The following MYH10 variants were observed in gnomAD, a reference collection of about 807,000 sequenced individuals.
MYH10 encodes the protein myosin-10.
In MYH10, 55 loss-of-function variants were observed where a neutral mutation model predicts 257.8. That is an observed-to-expected ratio of 0.21 (90% CI 0.17 to 0.27). The LOEUF is 0.27. Ranked by LOEUF, MYH10 falls within the 10% of genes least tolerant of loss-of-function variation. The pLI, the probability that MYH10 is intolerant of heterozygous loss-of-function variation, is 1.00. For missense variants in MYH10, 1,631 were observed against 2,500.6 expected (o/e 0.65, Z 7.42); for synonymous variants, 854 against 921.7 (o/e 0.93, Z 1.33).
At chr17:8,531,908 T>G (rs987714337) in intron 16 of MYH10, among the ~76,000 whole-genome samples, 4 of 152,138 alleles carry the variant, frequency 2.6e-5, no homozygotes, top group African/African-American at 7.2e-5. Context: ...CTATCCAGAG[T>G]GAGCAGTGAT....
At position 8,535,429 on chromosome 17, in the gene MYH10, G is replaced by A; in HGVS notation, c.1852C>T (p.His618Tyr). The change falls in exon 16 of 43, where the codon CAC (histidine) becomes TAC (tyrosine). Residue 618 changes from histidine (H) to tyrosine (Y), a missense_variant. Physicochemically the swap from His to Tyr is moderately conservative, Grantham distance 83. Around this residue, in one of 11 missense-constraint regions of MYH10, gnomAD observed 96 missense variants for 146.2 expected, o/e 0.66. Transcript: ENST00000360416. The surrounding 1 kb of genome is among the most constrained non-coding windows in gnomAD (Gnocchi z 4.3). ...GCCACAAATCTGTCTGATGACTGGT[G>A]CAAAAGGGTGGCCACGTTGTCATTC... is the stretch of plus-strand genomic sequence containing the variant. Reference protein sequence around the residue: ...PLNDNVATLLHQSSDRFVAEL... With the variant: ...PLNDNVATLLYQSSDRFVAEL... The A allele has an allele frequency of 6.2e-7, 1 of 1,614,078 alleles. No individual in the cohort carries two copies. Among genetic ancestry groups the A allele is most frequent in the Non-Finnish European group, 8.5e-7 (1 of 1,179,980 alleles).
intron 25 of MYH10, 130 bp downstream of exon 25, chr17:8,509,682 A>C (rs1418677554): frequency 1.3e-5 from 11 of 852,002 alleles, no homozygotes; most frequent in Non-Finnish European, 1.5e-5. Context: ...CTTACAGAGA[A>C]AATTCAGTAA....
rs557850324 is a variant in MYH10 at position 8,543,707 on chromosome 17, C to T, written c.1432-1427G>A. On this transcript the variant is annotated intron_variant, in intron 13 of 42. Coordinates refer to ENST00000360416, the MANE Select transcript of MYH10 (RefSeq NM_001256012.3). ...CAGGCTGGTCTTGAACTCCTGACCT[C>T]GTGATCCACCTGCCTCGGCCTCCCA... Among the ~76,000 whole-genome samples, 500 of 152,192 alleles carry T rather than the reference C, an allele frequency of 3.3e-3. 3 individuals are homozygous for T. Among genetic ancestry groups the T allele is most frequent in the African/African-American group, 0.012 (488 of 41,530 alleles).
intron 38 of MYH10, chr17:8,480,752 T>A: frequency 1.7e-6 from 1 of 597,312 alleles, no homozygotes. Flanking sequence ...ATCTCTCACC[T>A]GGACTGCTGG....
At chr17:8,592,440 C>T (rs2084182741) in intron 3 of MYH10, among the ~76,000 whole-genome samples, 1 of 151,810 alleles carries the variant, frequency 6.6e-6, no homozygotes, top group South Asian at 2.1e-4. Context: ...ACACAAACTG[C>T]CAATATCTGT....
At position 8,492,483 on chromosome 17, in the gene MYH10, A is replaced by G; in HGVS notation, c.4485T>C (p.Ser1495=). The G allele has an allele frequency of 6.2e-7, 1 of 1,612,160 alleles. No individual in the cohort carries two copies. The highest frequency in any genetic ancestry group is 8.5e-7 in the Non-Finnish European group (1 of 1,179,926). Residue 1495 remains serine, a synonymous_variant, in exon 34 of 43, where the codon TCT becomes TCC. Transcript: ENST00000360416. ...GGTCCCGCTCTTCGGCATAGCGAGC[A>G]GAGATGCTCTTCTCTTCTGCTAACA... ...DQLLAEEKSI[S]ARYAEERDRA...
At chr17:8,527,115 C>T (rs543436649) in intron 17 of MYH10, among the ~76,000 whole-genome samples, 5 of 152,246 alleles carry the variant, frequency 3.3e-5, no homozygotes, top group East Asian at 3.9e-4. Context: ...ATTATGAATT[C>T]GCAGAAACGA....
At chr17:8,622,120 T>C (rs1055444874) in intron 2 of MYH10, among the ~76,000 whole-genome samples, 2 of 152,208 alleles carry the variant, frequency 1.3e-5, no homozygotes, top group Admixed American at 6.5e-5. Context: ...ACCACGACCA[T>C]CAACTTTTCT....
intron 7 of MYH10, among the ~76,000 whole-genome samples, chr17:8,560,182 C>T (rs908506195): frequency 3.3e-5 from 5 of 152,148 alleles, no homozygotes; most frequent in Admixed American, 6.5e-5. Context: ...CTTTCAACTC[C>T]GAATACTATT....
At chr17:8,590,873 CTT>C (rs398030291) in intron 3 of MYH10, among the ~76,000 whole-genome samples, 2 of 90,100 alleles carry the variant, frequency 2.2e-5, no homozygotes, top group South Asian at 4.5e-4. Flanking sequence ...TCAATGTCGC[CTT>C]TTTTTTTTTT....
chr17:8,552,218 G>T lies in MYH10; in HGVS notation c.821-74C>A. ...AAATAAAGGCCCTCTTTCAGCGTCTGTAAATTTAAATCATAAAACATCTTC... is the reference window on the plus strand; with the variant it reads ...AAATAAAGGCCCTCTTTCAGCGTCTTTAAATTTAAATCATAAAACATCTTC... On this transcript the variant is annotated intron_variant, in intron 8 of 42. Coordinates refer to ENST00000360416, the MANE Select transcript of MYH10 (RefSeq NM_001256012.3). The surrounding 1 kb of genome is among the most constrained non-coding windows in gnomAD (Gnocchi z 4.8). The T allele has an allele frequency of 1.6e-6, 1 of 641,480 alleles. No individual in the cohort carries two copies. The highest frequency in any genetic ancestry group is 2.4e-6 in the Non-Finnish European group (1 of 414,036). 39.7% of individuals were successfully genotyped at this position (641,480 alleles called of 1,614,324 possible).
chr17:8,538,186 A>T (rs2082196026), intron 14 of MYH10, among the ~76,000 whole-genome samples: 1 of 152,092 alleles, frequency 6.6e-6, no homozygotes. Context: ...GGGTTTACAA[A>T]ATGTTATGTT....
intron 2 of MYH10, among the ~76,000 whole-genome samples, chr17:8,618,070 T>C (rs1162221161): frequency 2.0e-5 from 3 of 152,196 alleles, no homozygotes; most frequent in Admixed American, 6.5e-5. Flanking sequence ...TCAATTTTCA[T>C]GTCTGTTTCT....
chr17:8,577,540 T>G (rs796437398), intron 4 of MYH10, among the ~76,000 whole-genome samples: 3 of 152,164 alleles, frequency 2.0e-5, no homozygotes, highest in Admixed American at 6.5e-5. Flanking sequence ...AATAATTCTT[T>G]TTTTTCTTTG....
Position 8,477,284 on chromosome 17 carries a change from ACT to A in MYH10, c.5707-238_5707-237del, listed in dbSNP as rs372595938. Among the ~76,000 whole-genome samples the A allele has an allele frequency of 9.9e-5, 15 of 151,550 alleles. No homozygotes were observed. The East Asian group carries it at 2.2e-3, about 22-fold the overall frequency. The stretch of plus-strand genomic sequence containing the variant: ...CAAAAGAAATGAAAAAGTACTCAAG[ACT>A]CTGTTTTTACCAGTGAGTTTTCTGC... On this transcript the variant is annotated intron_variant, in intron 41 of 42. Transcript: ENST00000360416. The surrounding 1 kb of genome is among the most constrained non-coding windows in gnomAD (Gnocchi z 4.2).
chr17:8,562,586 T>C (rs1855553660), intron 7 of MYH10, among the ~76,000 whole-genome samples: 1 of 152,202 alleles, frequency 6.6e-6, no homozygotes, highest in Non-Finnish European at 1.5e-5. Flanking sequence ...TTATGGTACT[T>C]AGAATATTCA....
rs2081027925 is a variant in MYH10, at chr17:8,504,986, A to C, written c.3387-80T>G. 8.2e-7 allele frequency: 1 copy of C among 1,212,322 alleles called. No homozygotes were observed. The highest frequency in any genetic ancestry group is 1.2e-6 in the Non-Finnish European group (1 of 830,024). 75.1% of individuals were successfully genotyped at this position (1,212,322 alleles called of 1,614,324 possible). A position where few individuals can be genotyped will look rare whatever the true frequency, so the allele number is the denominator to read the frequency against. On this transcript the variant is annotated intron_variant, in intron 27 of 42. Transcript: ENST00000360416. This position sits in a 1 kb window ranked among gnomAD's most constrained non-coding sequence, Gnocchi z 5.6. ...TTTCTCAGGCGAGCCCCAGCCCCTG[A>C]GCACCTCTCCACGAGACCCCAGCCC...
chr17:8,573,208 C>A (rs982423066), intron 6 of MYH10, among the ~76,000 whole-genome samples: 57 of 152,104 alleles, frequency 3.7e-4, no homozygotes, highest in Admixed American at 2.7e-3. Context: ...AGCATGAGTT[C>A]GAAATGGTTA....
At position 8,492,467 on chromosome 17, in the gene MYH10, CT is replaced by C; in HGVS notation, c.4500del (p.Glu1501SerfsTer48). 1 of 1,612,506 alleles carries C rather than the reference CT, an allele frequency of 6.2e-7. No homozygotes were observed. On this transcript the variant is annotated frameshift_variant, in exon 34 of 43. Coordinates refer to ENST00000360416, the MANE Select transcript of MYH10 (RefSeq NM_001256012.3). LOFTEE classifies it high-confidence loss of function. ...GCCTCGGCTTCGGCCCGGTCCCGCT[CT>C]TCGGCATAGCGAGCAGAGATGCTCT... is the stretch of plus-strand genomic sequence containing the variant. The part of the protein sequence containing the change: ...EEKSISARYA[E>X]ERDRAEAEAR...
Sources: gnomAD v4.1 joint callset for allele counts (sites outside exome capture counted in the v4.1 genomes callset) on GRCh38, gnomAD v4.1.1 for gene constraint, gnomAD v4.1.1 regional missense constraint, Gnocchi (gnomAD v3.1) non-coding constraint, MANE v1.5 for transcripts, NCBI Gene and HGNC (gene_info 2026-07-23, HGNC 2026-07-21) for gene names.